The following CDH13 variants were observed in gnomAD, a reference collection of about 807,000 sequenced individuals.
CDH13 encodes the protein cadherin 13, also known as cadherin-13.
Under a neutral mutation model 63.8 loss-of-function variants are expected in CDH13, and 24 were observed. The ratio of observed to expected loss-of-function variants is 0.38; its 90% CI spans 0.27 to 0.53. The LOEUF is 0.53. CDH13 is among the 20% of genes least tolerant of loss of function. The pLI, the probability that CDH13 is intolerant of heterozygous loss-of-function variation, is 0.85. For missense variants in CDH13, 1,049 were observed against 903.1 expected, an observed-to-expected ratio of 1.16 and a Z score of -2.07; for synonymous variants, 503 against 355.3, an observed-to-expected ratio of 1.42 and a Z score of -4.67.
intron 1 of CDH13, among the ~76,000 whole-genome samples, chr16:82,856,191 A>T (rs2039678115): frequency 6.6e-6 from 1 of 151,850 alleles, no homozygotes; most frequent in Non-Finnish European, 1.5e-5. Context: ...CCTGGCGAAC[A>T]CTGTGAAACC....
chr16:83,366,119 G>T (rs752758648), intron 6 of CDH13, among the ~76,000 whole-genome samples: 11 of 152,168 alleles, frequency 7.2e-5, no homozygotes, highest in Non-Finnish European at 1.6e-4. Flanking sequence ...CCATTTAAGA[G>T]TAAAGCTGCT....
rs117769277 is a variant in CDH13 at position 82,663,221 on chromosome 16, T to C, written c.45+36084T>C. 3.5e-3 allele frequency among the ~76,000 whole-genome samples: 537 copies of C among 152,310 alleles called. 1 individual carries two copies. The highest frequency in any genetic ancestry group is 5.7e-3 in the Non-Finnish European group (388 of 68,028). The stretch of plus-strand genomic sequence containing the variant: ...TTTGTTTTGAGAGGGAGTTTCGCTG[T>C]TGTTGCCCTGGCTGGAGTGCAATGG... On this transcript the variant is annotated intron_variant, in intron 1 of 13. Coordinates refer to ENST00000567109, the MANE Select transcript of CDH13 (RefSeq NM_001257.5).
rs114647642 is a variant in CDH13, at chr16:83,274,307, T to C, written c.636+56810T>C. 8.6e-3 allele frequency among the ~76,000 whole-genome samples: 1,311 copies of C among 152,258 alleles called. 15 individuals are homozygous for C. The highest frequency in any genetic ancestry group is 0.03 in the African/African-American group (1,241 of 41,556). ...GAAAGCACTGGTTGCTGGAAGGGTTTGTGGATCAGAGACCTCTCAGTTAGC... is the reference window on the plus strand; with the variant it reads ...GAAAGCACTGGTTGCTGGAAGGGTTCGTGGATCAGAGACCTCTCAGTTAGC... On this transcript the variant is annotated intron_variant, in intron 5 of 13. Transcript: ENST00000567109.
At chr16:82,917,867 A>T (rs1038213107) in intron 2 of CDH13, among the ~76,000 whole-genome samples, 1 of 145,904 alleles carries the variant, frequency 6.9e-6, no homozygotes, top group African/African-American at 2.6e-5. Flanking sequence ...GTGAGCCGAG[A>T]TCTCACTACT....
intron 11 of CDH13, among the ~76,000 whole-genome samples, chr16:83,752,749 G>A (rs894154072): frequency 6.6e-6 from 1 of 152,190 alleles, no homozygotes; most frequent in African/African-American, 2.4e-5. Flanking sequence ...TATACAAAAT[G>A]AAGAAGATAA....
At chr16:82,914,824 A>G (rs1228212653) in intron 2 of CDH13, among the ~76,000 whole-genome samples, 1 of 152,202 alleles carries the variant, frequency 6.6e-6, no homozygotes, top group Non-Finnish European at 1.5e-5. Context: ...TCTGCAGTTC[A>G]TTAATCAGAC....
chr16:83,043,369 G>C (rs1052535492), intron 3 of CDH13, among the ~76,000 whole-genome samples: 1 of 151,960 alleles, frequency 6.6e-6, no homozygotes, highest in African/African-American at 2.4e-5. Context: ...TTATACAGGA[G>C]CATGGTCCAA....
chr16:83,670,617 C>G (rs936617767), intron 8 of CDH13, among the ~76,000 whole-genome samples, 173 bp from the exon 9 acceptor site: 1 of 152,202 alleles, frequency 6.6e-6, no homozygotes, highest in Non-Finnish European at 1.5e-5. Context: ...CGTGGCCTCA[C>G]CTAAGTTCAA....
At chr16:83,091,104 C>G (rs565752442) in intron 3 of CDH13, among the ~76,000 whole-genome samples, 192 of 152,054 alleles carry the variant, frequency 1.3e-3, no homozygotes, top group African/African-American at 4.3e-3. Context: ...GTTGACAAGC[C>G]ACAATATTTG....
rs74716841 is a variant in CDH13, at chr16:83,604,484, T to C, written c.1101+1890T>C. ...TCAAGTAGATGTGGGAAACACTGAATTGATTACTTTTAAATGGTTTATTTA... is the reference window on the plus strand; with the variant it reads ...TCAAGTAGATGTGGGAAACACTGAACTGATTACTTTTAAATGGTTTATTTA... On this transcript the variant is annotated intron_variant, in intron 8 of 13. Transcript: ENST00000567109. Among the ~76,000 whole-genome samples, 1,032 of 152,312 alleles carry C rather than the reference T, an allele frequency of 6.8e-3. 7 individuals are homozygous for C. The highest frequency in any genetic ancestry group is 0.023 in the African/African-American group (961 of 41,562).
chr16:82,737,062 G>A (rs2033710785), intron 1 of CDH13, among the ~76,000 whole-genome samples: 1 of 152,152 alleles, frequency 6.6e-6, no homozygotes, highest in East Asian at 1.9e-4. Context: ...ATCAGTGTTA[G>A]TTTCAAGTTA....
chr16:82,753,033 T>C (rs78289912), intron 1 of CDH13, among the ~76,000 whole-genome samples: 1,547 of 152,360 alleles, frequency 0.01, 25 homozygotes, highest in African/African-American at 0.036. Flanking sequence ...TATTGAATCA[T>C]GAGTGCATGT....
chr16:82,639,477 T>C (rs1244539580), intron 1 of CDH13: 1 of 1,503,402 alleles, frequency 6.7e-7, no homozygotes, highest in African/African-American at 1.4e-5. Context: ...TAAATTTGCC[T>C]GCTGCTGTGT....
intron 7 of CDH13, among the ~76,000 whole-genome samples, chr16:83,589,237 C>G (rs1444744093): frequency 2.7e-5 from 4 of 147,186 alleles, no homozygotes; most frequent in Admixed American, 2.0e-4. Flanking sequence ...CTCCCCATCC[C>G]CCTCCCTCTT....
chr16:83,121,577 A>G (rs144899323), intron 3 of CDH13, among the ~76,000 whole-genome samples: 3 of 152,240 alleles, frequency 2.0e-5, no homozygotes, highest in Non-Finnish European at 4.4e-5. Flanking sequence ...TGGTCTTCAC[A>G]GTTGCCTTAT....
chr16:83,194,687 C>T (rs946835274), intron 4 of CDH13, among the ~76,000 whole-genome samples: 2 of 152,160 alleles, frequency 1.3e-5, no homozygotes, highest in African/African-American at 4.8e-5. Flanking sequence ...TTTTAAAAAA[C>T]ATTCTAGTAG....
At chr16:83,695,317 C>T (rs570315077) in intron 10 of CDH13, among the ~76,000 whole-genome samples, 5 of 152,370 alleles carry the variant, frequency 3.3e-5, no homozygotes, top group East Asian at 1.9e-4. Flanking sequence ...TATGACTCAG[C>T]ATGGCGCTGC....
At chr16:82,962,626 G>T (rs1907192542) in intron 2 of CDH13, among the ~76,000 whole-genome samples, 1 of 152,186 alleles carries the variant, frequency 6.6e-6, no homozygotes, top group Non-Finnish European at 1.5e-5. Context: ...TGACAAAGAT[G>T]CGGGTGAAAC....
intron 1 of CDH13, among the ~76,000 whole-genome samples, chr16:82,734,706 C>T (rs2033580750): frequency 6.6e-6 from 1 of 152,202 alleles, no homozygotes; most frequent in African/African-American, 2.4e-5. Flanking sequence ...CAACCTTGGC[C>T]ACTCTCTAGG....
Sources: allele counts gnomAD v4.1 joint callset (sites outside exome capture counted in the v4.1 genomes callset), GRCh38; gene constraint gnomAD v4.1.1; transcripts MANE v1.5; gene names NCBI Gene and HGNC (gene_info 2026-07-23, HGNC 2026-07-21).